Variants in PTPRD observed in about 807,000 individuals in gnomAD.
PTPRD encodes the protein protein tyrosine phosphatase receptor type D, also known as receptor-type tyrosine-protein phosphatase delta.
In PTPRD, 34 loss-of-function variants were observed where a neutral mutation model predicts 214.5. The observed-to-expected ratio is 0.16, with a 90% CI of 0.12 to 0.21. The LOEUF is 0.21. Ranked by LOEUF, PTPRD falls within the 10% of genes least tolerant of loss-of-function variation. The pLI is 1.00. For synonymous variants in PTPRD, 1,128 were observed against 845.7 expected, an observed-to-expected ratio of 1.33 and a Z score of -5.79; for missense variants, 2,545 against 2,398.7, an observed-to-expected ratio of 1.06 and a Z score of -1.27.
intron 9 of PTPRD, among the ~76,000 whole-genome samples, chr9:9,299,099 G>C (rs1176043932): frequency 6.6e-6 from 1 of 151,740 alleles, no homozygotes; most frequent in Non-Finnish European, 1.5e-5. Context: ...TGGATGGTAA[G>C]AAAAACTAAT....
At chr9:10,236,405 A>AG (rs1419274581) in intron 3 of PTPRD, among the ~76,000 whole-genome samples, 1 of 151,968 alleles carries the variant, frequency 6.6e-6, no homozygotes, top group Non-Finnish European at 1.5e-5. Context: ...GACTTCTGAC[A>AG]GGAATGCTTG....
At chr9:10,184,302 G>C (rs1269577054) in intron 3 of PTPRD, among the ~76,000 whole-genome samples, 1 of 152,154 alleles carries the variant, frequency 6.6e-6, no homozygotes, top group Non-Finnish European at 1.5e-5. Context: ...GCATGCGCCT[G>C]TAATCCCAGC....
chr9:8,562,961 G>GGCA (rs2087049973), intron 14 of PTPRD, among the ~76,000 whole-genome samples: 3 of 151,206 alleles, frequency 2.0e-5, no homozygotes, highest in African/African-American at 4.9e-5. Flanking sequence ...TTTGCATATG[G>GGCA]GCACCCACTT....
intron 14 of PTPRD, among the ~76,000 whole-genome samples, chr9:8,580,297 G>GACTCTA (rs1465430472): frequency 6.6e-6 from 1 of 152,142 alleles, no homozygotes; most frequent in African/African-American, 2.4e-5. Context: ...AATGATACAT[G>GACTCTA]ACTCTAAAAC....
chr9:9,247,140 G>A (rs759572961), intron 9 of PTPRD, among the ~76,000 whole-genome samples: 1 of 152,046 alleles, frequency 6.6e-6, no homozygotes, highest in South Asian at 2.1e-4. Flanking sequence ...TGACCATAAA[G>A]AAATTCTTTG....
rs186955959 is a variant in PTPRD, at chr9:8,705,221, G to T, written c.64+28559C>A. On this transcript the variant is annotated intron_variant, in intron 12 of 45. Transcript: ENST00000381196. The stretch of plus-strand genomic sequence containing the variant: ...ATCACTTTCCTAAATTTTTGTTGTT[G>T]TTACTGTTGTTTTGTTTTTTGAGAT... Among the ~76,000 whole-genome samples, 441 of 152,004 alleles carry T rather than the reference G, an allele frequency of 2.9e-3. 1 individual carries two copies. Among genetic ancestry groups the T allele is most frequent in the African/African-American group, 0.01 (430 of 41,366 alleles).
At chr9:10,481,672 C>A (rs1399113519) in intron 2 of PTPRD, among the ~76,000 whole-genome samples, 3 of 152,088 alleles carry the variant, frequency 2.0e-5, no homozygotes, top group Non-Finnish European at 4.4e-5. Context: ...AAATACTCAG[C>A]CCATAATCAT....
At chr9:9,825,528 G>C (rs1322188904) in intron 5 of PTPRD, among the ~76,000 whole-genome samples, 1 of 151,828 alleles carries the variant, frequency 6.6e-6, no homozygotes, top group Non-Finnish European at 1.5e-5. Context: ...AGTGCATATA[G>C]ACACTGCATA....
intron 12 of PTPRD, among the ~76,000 whole-genome samples, chr9:8,705,336 C>T (rs946037564): frequency 6.6e-5 from 10 of 152,178 alleles, no homozygotes; most frequent in African/African-American, 2.4e-4. Context: ...TCTCCTGCCT[C>T]AGCCTCCCGA....
intron 4 of PTPRD, among the ~76,000 whole-genome samples, chr9:10,022,714 A>T (rs969265959): frequency 6.6e-6 from 1 of 152,210 alleles, no homozygotes; most frequent in East Asian, 1.9e-4. Context: ...AGCAGTTAAG[A>T]TTTACATTGA....
chr9:10,545,350 T>C (rs1315735886), intron 2 of PTPRD, among the ~76,000 whole-genome samples: 1 of 152,174 alleles, frequency 6.6e-6, no homozygotes, highest in Non-Finnish European at 1.5e-5. Flanking sequence ...TTGTTAGATA[T>C]ATAGTTTTCA....
At chr9:8,811,095 A>C (rs1005399182) in intron 11 of PTPRD, among the ~76,000 whole-genome samples, 5 of 152,208 alleles carry the variant, frequency 3.3e-5, no homozygotes, top group African/African-American at 1.2e-4. Flanking sequence ...GACCAAGGGG[A>C]TCTGACTTAC....
At chr9:8,335,952 G>A (rs113783966) in intron 43 of PTPRD, among the ~76,000 whole-genome samples, 1,980 of 152,256 alleles carry the variant, frequency 0.013, 39 homozygotes, top group African/African-American at 0.044. Context: ...ACTGCTCAAG[G>A]AAATAAGAGA....
intron 11 of PTPRD, among the ~76,000 whole-genome samples, chr9:8,785,899 C>A (rs565897263): frequency 9.8e-5 from 15 of 152,298 alleles, no homozygotes; most frequent in Admixed American, 4.6e-4. Context: ...GTTTCTATGG[C>A]TACTAGTAAG....
chr9:9,409,881 C>T (rs914803), intron 8 of PTPRD, among the ~76,000 whole-genome samples: 27 of 151,766 alleles, frequency 1.8e-4, no homozygotes, highest in East Asian at 1.2e-3. Flanking sequence ...ATACAGATAA[C>T]GATAAGAAAC....
chr9:9,234,448 C>G (rs2099965257), intron 9 of PTPRD, among the ~76,000 whole-genome samples: 1 of 152,186 alleles, frequency 6.6e-6, no homozygotes, highest in African/African-American at 2.4e-5. Context: ...GAGACATTTT[C>G]CCCATTGTCT....
At chr9:9,954,949 A>G (rs923192879) in intron 4 of PTPRD, among the ~76,000 whole-genome samples, 3 of 152,226 alleles carry the variant, frequency 2.0e-5, no homozygotes, top group African/African-American at 7.2e-5. Flanking sequence ...CTCTATTAAG[A>G]TAAAGATACC....
intron 4 of PTPRD, among the ~76,000 whole-genome samples, chr9:9,958,134 A>G (rs2094088253): frequency 6.6e-6 from 1 of 152,228 alleles, no homozygotes; most frequent in South Asian, 2.1e-4. Context: ...TAGAAGATAC[A>G]CAGGAGAAAA....
chr9:8,525,985 A>G (rs896232881), intron 17 of PTPRD, among the ~76,000 whole-genome samples: 1 of 152,110 alleles, frequency 6.6e-6, no homozygotes, highest in Non-Finnish European at 1.5e-5. Flanking sequence ...CAAGAAAAAA[A>G]GAAGTGGGGA....
Sources: gnomAD v4.1 joint callset for allele counts (sites outside exome capture counted in the v4.1 genomes callset) on GRCh38, gnomAD v4.1.1 for gene constraint, MANE v1.5 for transcripts, NCBI Gene and HGNC (gene_info 2026-07-23, HGNC 2026-07-21) for gene names.